Variants in CRLF1 observed in about 807,000 individuals in gnomAD.
The protein encoded by CRLF1 is cytokine receptor-like factor 1.
A neutral mutation model predicts 48.9 loss-of-function variants in CRLF1; 36 were observed. The observed-to-expected ratio is 0.74, with a 90% confidence interval of 0.56 to 0.97. The LOEUF is 0.97. Ranked by LOEUF, CRLF1 falls within the 50% of genes least tolerant of loss-of-function variation. CRLF1 has a pLI of 0.00. For missense variants in CRLF1, 534 were observed against 575.1 expected, an observed-to-expected ratio of 0.93 and a Z score of 0.73; for synonymous variants, 256 against 253.4, an observed-to-expected ratio of 1.01 and a Z score of -0.10.
At chr19:18,596,589 C>G (rs147530893) in intron 6 of CRLF1, 33 bp downstream of exon 6, 2 of 1,608,926 alleles carry the variant, frequency 1.2e-6, no homozygotes, top group East Asian at 2.2e-5. Flanking sequence ...TCGGACTGGC[C>G]GCTGGATCAC....
At position 18,593,534 on chromosome 19, in the gene CRLF1, G is replaced by C; in HGVS notation, c.*32C>G. The stretch of plus-strand genomic sequence containing the variant: ...TTGGGTTCGGCCTCTGCGTCTCCAC[G>C]TGGCAGGGAGGGTGGCCTGAGCCCC... On this transcript the variant is annotated 3_prime_UTR_variant, in exon 9 of 9. Coordinates refer to ENST00000392386, the MANE Select transcript of CRLF1 (RefSeq NM_004750.5). 5 of 1,610,270 alleles carry C rather than the reference G, an allele frequency of 3.1e-6. No individual in the cohort carries two copies. The highest frequency in any genetic ancestry group is 4.2e-6 in the Non-Finnish European group (5 of 1,178,766).
Position 18,596,711 on chromosome 19 carries a change from C to A in CRLF1, c.935G>T (p.Arg312Leu), listed in dbSNP as rs137853933. The change falls in exon 6 of 9, where the codon CGC (arginine) becomes CTC (leucine). Residue 312 changes from arginine to leucine, a missense_variant. By Grantham distance (102) the Arg-to-Leu change is moderately radical (BLOSUM62 -2). This residue lies in a region of CRLF1 where 528 missense variants were observed against 555.7 expected (regional missense o/e 0.95). Transcript: ENST00000392386. ...KPGTVYFVQVRCNPFGIYGSK... is the reference protein window; with the variant it reads ...KPGTVYFVQVLCNPFGIYGSK... ...GCCATAGATGCCAAAGGGGTTGCAGCGCACTTGCACGAAGTACACGGTGCC... is the reference window on the plus strand; with the variant it reads ...GCCATAGATGCCAAAGGGGTTGCAGAGCACTTGCACGAAGTACACGGTGCC... 2 of 1,614,064 alleles carry A rather than the reference C, an allele frequency of 1.2e-6. No homozygotes were observed. The highest frequency in any genetic ancestry group is 2.2e-5 in the East Asian group (1 of 44,886).
rs1976139520 is a variant in CRLF1, at chr19:18,596,737, G to A, written c.909C>T (p.Pro303=). ...QTSCRLAGLK[P]GTVYFVQVRC... ...GCACTTGCACGAAGTACACGGTGCCGGGTTTCAGGCCGGCCAGGCGGCAGG... is the reference window on the plus strand; with the variant it reads ...GCACTTGCACGAAGTACACGGTGCCAGGTTTCAGGCCGGCCAGGCGGCAGG... The change falls in exon 6 of 9, where the codon CCC becomes CCT. Residue 303 remains proline, a synonymous_variant. Coordinates refer to ENST00000392386, the MANE Select transcript of CRLF1 (RefSeq NM_004750.5). 1.2e-6 allele frequency: 2 copies of A among 1,614,116 alleles called. No individual in the cohort carries two copies. The highest frequency in any genetic ancestry group is 1.3e-5 in the African/African-American group (1 of 75,034).
intron 1 of CRLF1, among the ~76,000 whole-genome samples, chr19:18,605,115 C>A (rs1444547524): frequency 6.6e-6 from 1 of 151,492 alleles, no homozygotes; most frequent in Admixed American, 6.6e-5. Context: ...TTTCTTCCCC[C>A]CTTAAAGGAA....
chr19:18,596,984 C>A lies in CRLF1; in HGVS notation c.763G>T (p.Val255Leu). Residue 255 changes from valine (V) to leucine (L), a missense_variant, in exon 5 of 9, where the codon GTG (valine) becomes TTG (leucine). Physicochemically the swap from Val to Leu is conservative, Grantham distance 32. Around this residue, in one of 2 missense-constraint regions of CRLF1, gnomAD observed 528 missense variants for 555.7 expected, o/e 0.95. Transcript: ENST00000392386. ...RVGGLEDQLS[V>L]RWVSPPALKD... ...AGGGCGGGTGGCGACACCCAGCGCA[C>A]GCTCAGCTGGTCCTCCAGGCCCCCG... 6.2e-7 allele frequency: 1 copy of A among 1,613,834 alleles called. No homozygotes were observed. Among genetic ancestry groups the A allele is most frequent in the Middle Eastern group, 1.6e-4 (1 of 6,062 alleles).
intron 1 of CRLF1, among the ~76,000 whole-genome samples, chr19:18,602,635 T>C (rs1480653701): frequency 1.3e-5 from 2 of 151,906 alleles, no homozygotes; most frequent in African/African-American, 4.8e-5. Flanking sequence ...ATAAAAAATT[T>C]AGATTTAAAT....
Position 18,599,780 on chromosome 19 carries a change from G to C in CRLF1, c.182C>G (p.Ser61Ter). The change falls in exon 2 of 9, where the codon TCA (serine) becomes TGA (stop). Residue 61 changes from serine (S) to a stop codon, truncating the protein, a stop_gained. Transcript: ENST00000392386. LOFTEE classifies it high-confidence loss of function. ...LIGSSLLATC[S>*]VHGDPPGATA... ...GGCTCCTGGTGGGTCTCCGTGCACT[G>C]AGCAGGTGGCCAGCAGGGAGGAGCC... is the stretch of plus-strand genomic sequence containing the variant. 1 of 1,587,828 alleles carries C rather than the reference G, an allele frequency of 6.3e-7. No homozygotes were observed. Among genetic ancestry groups the C allele is most frequent in the Non-Finnish European group, 8.6e-7 (1 of 1,164,752 alleles).
rs1254869524 is a variant in CRLF1 at position 18,593,544 on chromosome 19, G to C, written c.*22C>G. The C allele has an allele frequency of 6.2e-7, 1 of 1,610,616 alleles. No individual in the cohort carries two copies. Among genetic ancestry groups the C allele is most frequent in the African/African-American group, 1.3e-5 (1 of 75,036 alleles). On this transcript the variant is annotated 3_prime_UTR_variant, in exon 9 of 9. Transcript: ENST00000392386. The stretch of plus-strand genomic sequence containing the variant: ...CCTCTGCGTCTCCACGTGGCAGGGA[G>C]GGTGGCCTGAGCCCCTACAGCTTAT...
intron 1 of CRLF1, among the ~76,000 whole-genome samples, chr19:18,601,362 C>T (rs548402339): frequency 2.6e-5 from 4 of 152,202 alleles, no homozygotes; most frequent in African/African-American, 7.2e-5. Context: ...CCGCAATCTC[C>T]GCCTCCCAGG....
Position 18,594,194 on chromosome 19 carries a change from G to GC in CRLF1, c.1212+52dup, listed in dbSNP as rs1031662074. The GC allele has an allele frequency of 3.5e-4, 563 of 1,607,152 alleles. 2 individuals are homozygous for GC. The highest frequency in any genetic ancestry group is 1.2e-3 in the South Asian group (108 of 90,212). ...GTCTTCCCCCTCCCCTGTTTTCTGGGCCCCCCCAGCTCCCTGTCCCCACCC... is the reference window on the plus strand; with the variant it reads ...GTCTTCCCCCTCCCCTGTTTTCTGGGCCCCCCCCAGCTCCCTGTCCCCACCC... On this transcript the variant is annotated intron_variant, in intron 7 of 8. Coordinates refer to ENST00000392386, the MANE Select transcript of CRLF1 (RefSeq NM_004750.5).
At chr19:18,604,110 C>A (rs951264347) in intron 1 of CRLF1, among the ~76,000 whole-genome samples, 1 of 152,210 alleles carries the variant, frequency 6.6e-6, no homozygotes, top group African/African-American at 2.4e-5. Flanking sequence ...GGGTCTCACT[C>A]CTCCTGCCCC....
At position 18,598,415 on chromosome 19, in the gene CRLF1, A is replaced by C; in HGVS notation, c.697+17T>G. 1 of 1,605,564 alleles carries C rather than the reference A, an allele frequency of 6.2e-7. No individual in the cohort carries two copies. ...GCTGGTGCCGAGGGAGGGGCCTAGC[A>C]GACACTGGGGGCTCACCCACATCCA... On this transcript the variant is annotated intron_variant, in intron 4 of 8. Coordinates refer to ENST00000392386, the MANE Select transcript of CRLF1 (RefSeq NM_004750.5).
chr19:18,604,393 C>A (rs7249956), intron 1 of CRLF1, among the ~76,000 whole-genome samples: 33,161 of 152,196 alleles, frequency 0.22, 3,995 homozygotes, highest in East Asian at 0.48. Flanking sequence ...GGGATATGGG[C>A]GCAACACCAG....
chr19:18,597,127 T>C, intron 4 of CRLF1, 78 bp from the exon 5 acceptor site: 1 of 1,491,312 alleles, frequency 6.7e-7, no homozygotes, highest in Non-Finnish European at 9.1e-7. Flanking sequence ...CCCAGGGCAC[T>C]TGGCCTAGAT....
intron 1 of CRLF1, among the ~76,000 whole-genome samples, chr19:18,603,756 C>T (rs1160030952): frequency 6.6e-6 from 1 of 152,168 alleles, no homozygotes; most frequent in Admixed American, 6.5e-5. Context: ...GCAAACTTGG[C>T]TCGAGGGCTC....
At chr19:18,595,199 G>A (rs1194704485) in intron 6 of CRLF1, among the ~76,000 whole-genome samples, 1 of 152,180 alleles carries the variant, frequency 6.6e-6, no homozygotes, top group African/African-American at 2.4e-5. Flanking sequence ...CCCGGCCCCC[G>A]CCGCCCCTGC....
In CRLF1 at chr19:18,598,431, C is replaced by T; in HGVS notation, c.697+1G>A. On this transcript the variant is annotated splice_donor_variant, in intron 4 of 8. Transcript: ENST00000392386. LOFTEE classifies it high-confidence loss of function. ...GGGCCTAGCAGACACTGGGGGCTCA[C>T]CCACATCCAGGATATCCAGCGTGAG... 1 of 1,611,224 alleles carries T rather than the reference C, an allele frequency of 6.2e-7. No homozygotes were observed. Among genetic ancestry groups the T allele is most frequent in the Non-Finnish European group, 8.5e-7 (1 of 1,178,156 alleles).
chr19:18,593,919 G>A (rs1345746355), intron 8 of CRLF1, 146 bp downstream of exon 8: 24 of 1,467,698 alleles, frequency 1.6e-5, no homozygotes, highest in Non-Finnish European at 1.9e-5. Context: ...AGTAAATGCT[G>A]ATGAATAACA....
intron 1 of CRLF1, among the ~76,000 whole-genome samples, chr19:18,604,845 G>GT (rs1181034121): frequency 6.6e-6 from 1 of 152,150 alleles, no homozygotes; most frequent in African/African-American, 2.4e-5. Context: ...GCCTTTAAAA[G>GT]TTTTTTCTCT....
Sources: allele counts gnomAD v4.1 joint callset (sites outside exome capture counted in the v4.1 genomes callset), GRCh38; gene constraint gnomAD v4.1.1; regional missense constraint gnomAD v4.1.1; transcripts MANE v1.5; gene names NCBI Gene and HGNC (gene_info 2026-07-23, HGNC 2026-07-21).